Variants in DMXL1 observed in about 807,000 individuals in gnomAD.
DMXL1 encodes the protein dmX-like protein 1.
DMXL1 carries 99 observed loss-of-function variants against 319.2 expected under a neutral mutation model. The observed-to-expected ratio is 0.31, with a 90% CI of 0.26 to 0.37. DMXL1 has a LOEUF of 0.37. Among genes scored for constraint, DMXL1 ranks in the 10% least tolerant of loss-of-function variants. The pLI, the probability that DMXL1 is intolerant of heterozygous loss-of-function variation, is 1.00. For synonymous variants in DMXL1, 1,385 were observed against 1,235.2 expected, an observed-to-expected ratio of 1.12 and a Z score of -2.54; for missense variants, 3,745 against 3,595.6, an observed-to-expected ratio of 1.04 and a Z score of -1.06.
At chr5:119,185,806 C>CT (rs535567601) in intron 28 of DMXL1, among the ~76,000 whole-genome samples, 77 of 147,068 alleles carry the variant, frequency 5.2e-4, no homozygotes, top group African/African-American at 1.4e-3. Context: ...CCTGGCCAGA[C>CT]TTTTTTTTTT....
At chr5:119,196,262 G>T in intron 30 of DMXL1, 109 bp from the exon 31 acceptor site, 1 of 797,170 alleles carries the variant, frequency 1.3e-6, no homozygotes, top group Non-Finnish European at 2.2e-6. Flanking sequence ...TCATAGAGGG[G>T]TATGTTCAGG....
intron 10 of DMXL1, among the ~76,000 whole-genome samples, chr5:119,131,856 T>C (rs922601253): frequency 6.6e-6 from 1 of 152,252 alleles, no homozygotes. Context: ...GTTATGTTTT[T>C]CATCTTGAAT....
At chr5:119,206,733 GT>G in intron 33 of DMXL1, 100 bp from the exon 34 acceptor site, 1 of 654,096 alleles carries the variant, frequency 1.5e-6, no homozygotes, top group African/African-American at 1.9e-5. Flanking sequence ...TTCTTTTCTA[GT>G]AAATTTGGTT....
In DMXL1 at chr5:119,147,227, GTTCTT is replaced by G. The variant is rs993218247; in HGVS notation, c.2690-16_2690-12del. 4.4e-6 allele frequency: 7 copies of G among 1,599,552 alleles called. No individual in the cohort carries two copies. Among genetic ancestry groups the G allele is most frequent in the Non-Finnish European group, 6.0e-6 (7 of 1,170,764 alleles). ...TAGGGTTCCCCTGCCTCAGTTTTTG[GTTCTT>G]TTCTTATGTTTTGTAGATGAAAAAG... On this transcript the variant is annotated splice_polypyrimidine_tract_variant and intron_variant, in intron 16 of 43. Coordinates refer to ENST00000539542, the MANE Select transcript of DMXL1 (RefSeq NM_001290321.3).
At chr5:119,209,180 A>C (rs1408943653) in intron 34 of DMXL1, among the ~76,000 whole-genome samples, 1 of 152,182 alleles carries the variant, frequency 6.6e-6, no homozygotes, top group Non-Finnish European at 1.5e-5. Flanking sequence ...CAAAAGTCAC[A>C]TTTTATGGAA....
chr5:119,140,424 A>T (rs947631614), intron 13 of DMXL1, among the ~76,000 whole-genome samples: 1 of 152,116 alleles, frequency 6.6e-6, no homozygotes, highest in East Asian at 1.9e-4. Context: ...TACCAAGGGA[A>T]TGTTAACCAC....
chr5:119,167,576 A>AT (rs1773688006), intron 22 of DMXL1, 27 bp from the exon 23 acceptor site: 1 of 1,524,366 alleles, frequency 6.6e-7, no homozygotes, highest in African/African-American at 1.4e-5. Flanking sequence ...GCTCCTGCTT[A>AT]TTTAAAAACA....
chr5:119,129,194 T>C lies in DMXL1; in HGVS notation c.1103-17T>C. On this transcript the variant is annotated splice_polypyrimidine_tract_variant and intron_variant, in intron 9 of 43. Transcript: ENST00000539542. ...AGAAGGTAAAAATTTTAATTTTATC[T>C]TTTTTTTCTCTTATAGACATTCCAC... The C allele has an allele frequency of 6.7e-7, 1 of 1,491,776 alleles. No individual in the cohort carries two copies. The highest frequency in any genetic ancestry group is 2.3e-5 in the East Asian group (1 of 43,312). 92.4% of individuals were successfully genotyped at this position (1,491,776 alleles called of 1,614,324 possible).
Position 119,147,312 on chromosome 5 carries a change from C to T in DMXL1, c.2753C>T (p.Ser918Phe), listed in dbSNP as rs765206271. The stretch of plus-strand genomic sequence containing the variant: ...CAGCCAGAAGAACATTATTCTTCTT[C>T]TCCAGAGAAGATCCTATCTCCTTTT... The part of the protein sequence containing the change: ...VWQPEEHYSS[S>F]PEKILSPFSQ... The change falls in exon 17 of 44, where the codon TCT becomes TTT. Residue 918 changes from serine to phenylalanine, a missense_variant. Ser to Phe is a radical substitution (Grantham distance 155). This residue lies in a region of DMXL1 where 2,096 missense variants were observed against 1,985.4 expected (regional missense o/e 1.06). Transcript: ENST00000539542. 1.3e-5 allele frequency: 21 copies of T among 1,613,432 alleles called. No homozygotes were observed. Among genetic ancestry groups the T allele is most frequent in the Admixed American group, 1.7e-5 (1 of 59,878 alleles).
At chr5:119,193,355 C>T (rs922529024) in intron 29 of DMXL1, among the ~76,000 whole-genome samples, 17 of 152,160 alleles carry the variant, frequency 1.1e-4, no homozygotes, top group Non-Finnish European at 1.9e-4. Flanking sequence ...TTTCCCCTGT[C>T]TAAAATGCTT....
At chr5:119,219,865 G>A (rs962969282) in intron 35 of DMXL1, among the ~76,000 whole-genome samples, 2 of 152,028 alleles carry the variant, frequency 1.3e-5, no homozygotes, top group Admixed American at 1.3e-4. Flanking sequence ...ACTGCCCCCA[G>A]CCAAGATGTA....
At chr5:119,082,523 C>T (rs1317546157) in intron 1 of DMXL1, among the ~76,000 whole-genome samples, 2 of 152,174 alleles carry the variant, frequency 1.3e-5, no homozygotes, top group Admixed American at 6.5e-5. Flanking sequence ...AATCCTCCCA[C>T]ATTGGCCTCC....
Position 119,146,824 on chromosome 5 carries a change from T to C in DMXL1, c.2570-13T>C. ...CACATAGTAACAGTGAAAAATATCA[T>C]TAATACCAACAGGCAGCTCACCTAA... On this transcript the variant is annotated splice_polypyrimidine_tract_variant and intron_variant, in intron 15 of 43. Coordinates refer to ENST00000539542, the MANE Select transcript of DMXL1 (RefSeq NM_001290321.3). The C allele has an allele frequency of 6.2e-7, 1 of 1,606,666 alleles. No homozygotes were observed.
intron 1 of DMXL1, among the ~76,000 whole-genome samples, chr5:119,080,414 A>G (rs146592604): frequency 1.3e-5 from 2 of 152,050 alleles, no homozygotes; most frequent in East Asian, 3.9e-4. Context: ...GCACCTTCCA[A>G]CCCACACCCC....
chr5:119,174,767 T>C (rs1340017232), intron 25 of DMXL1, among the ~76,000 whole-genome samples: 1 of 151,868 alleles, frequency 6.6e-6, no homozygotes, highest in Non-Finnish European at 1.5e-5. Flanking sequence ...GTTACTGCCT[T>C]TTATACCTTA....
chr5:119,241,670 G>A (rs567522641), intron 42 of DMXL1, among the ~76,000 whole-genome samples: 1 of 152,176 alleles, frequency 6.6e-6, no homozygotes, highest in African/African-American at 2.4e-5. Flanking sequence ...TGCTTTTTGG[G>A]AGCACTTCCA....
intron 3 of DMXL1, among the ~76,000 whole-genome samples, chr5:119,103,738 A>T (rs904299781): frequency 6.6e-6 from 1 of 152,164 alleles, no homozygotes. Context: ...TAAGGCGATT[A>T]CCCCACCCAG....
At chr5:119,112,990 G>T (rs1329055003) in intron 5 of DMXL1, among the ~76,000 whole-genome samples, 2 of 152,038 alleles carry the variant, frequency 1.3e-5, no homozygotes, top group Non-Finnish European at 2.9e-5. Context: ...ATAGTATTTT[G>T]TCTTAAGGAT....
chr5:119,238,217 A>AT (rs1211820748), intron 40 of DMXL1, among the ~76,000 whole-genome samples: 1 of 151,946 alleles, frequency 6.6e-6, no homozygotes, highest in Non-Finnish European at 1.5e-5. Context: ...GATTAAGAGG[A>AT]TTTTGTCTGT....
Sources: gnomAD v4.1 joint callset for allele counts (sites outside exome capture counted in the v4.1 genomes callset) on GRCh38, gnomAD v4.1.1 for gene constraint, gnomAD v4.1.1 regional missense constraint, MANE v1.5 for transcripts, NCBI Gene and HGNC (gene_info 2026-07-23, HGNC 2026-07-21) for gene names.